HPS1: variants seen among roughly 807,000 people sequenced by gnomAD.
The protein encoded by HPS1 is BLOC-3 complex member HPS1.
HPS1 carries 59 observed loss-of-function variants against 90.6 expected under a neutral mutation model. The ratio of observed to expected loss-of-function variants is 0.65; its 90% CI spans 0.53 to 0.81. HPS1 has a LOEUF of 0.81. Among genes scored for constraint, HPS1 ranks in the 30% least tolerant of loss-of-function variants. HPS1 has a pLI of 0.00. For missense variants in HPS1, 849 were observed against 896.7 expected, an observed-to-expected ratio of 0.95 and a Z score of 0.68; for synonymous variants, 388 against 384.4, an observed-to-expected ratio of 1.01 and a Z score of -0.11.
At chr10:98,444,407 A>T (rs1251738562) in intron 2 of HPS1, among the ~76,000 whole-genome samples, 1 of 152,146 alleles carries the variant, frequency 6.6e-6, no homozygotes, top group African/African-American at 2.4e-5. Flanking sequence ...ATCTTCTAAA[A>T]CTTGGGGCAG....
At chr10:98,414,548 T>G (rs1843913138), downstream of HPS1, among the ~76,000 whole-genome samples, 1 of 152,178 alleles carries the variant, frequency 6.6e-6, no homozygotes, top group South Asian at 2.1e-4. Flanking sequence ...CAGTTTCTTG[T>G]GACGAGGGGT....
chr10:98,425,750 C>A (rs767135497), intron 12 of HPS1, 30 bp from the exon 13 acceptor site: 1 of 1,597,506 alleles, frequency 6.3e-7, no homozygotes, highest in East Asian at 2.2e-5. Context: ...GGCGGGTGAA[C>A]GGGGCTGCCC....
At chr10:98,430,118 C>T (rs1289177774) in intron 8 of HPS1, among the ~76,000 whole-genome samples, 1 of 152,210 alleles carries the variant, frequency 6.6e-6, no homozygotes, top group Non-Finnish European at 1.5e-5. Context: ...CCACCACTAC[C>T]CCTGGTGATG....
At chr10:98,444,043 C>A (rs1165351220) in intron 2 of HPS1, among the ~76,000 whole-genome samples, 1 of 144,984 alleles carries the variant, frequency 6.9e-6, no homozygotes, top group African/African-American at 2.7e-5. Context: ...TCTGAAAAAA[C>A]AAACAAACAA....
At chr10:98,432,035 G>A (rs543083969) in intron 6 of HPS1, among the ~76,000 whole-genome samples, 1 of 152,312 alleles carries the variant, frequency 6.6e-6, no homozygotes, top group East Asian at 1.9e-4. Context: ...GCCACATGCA[G>A]CTAATGACTA....
chr10:98,426,140 T>C (rs773253275), intron 11 of HPS1, 155 bp from the exon 12 acceptor site: 5 of 664,760 alleles, frequency 7.5e-6, no homozygotes, highest in Non-Finnish European at 1.3e-5. Flanking sequence ...CCCTCGCAGC[T>C]CCAGTTTCGC....
At chr10:98,431,858 T>C (rs138814934) in intron 6 of HPS1, among the ~76,000 whole-genome samples, 161 of 152,346 alleles carry the variant, frequency 1.1e-3, no homozygotes, top group African/African-American at 3.6e-3. Flanking sequence ...TTTAATGATA[T>C]ATTTCATTTT....
rs11539873 is a variant in HPS1, at chr10:98,435,373, G to A, written c.297C>T (p.Thr99=). ...TCCGCCGCAGGTCCCCCTCGCTCTC[G>A]GTGTGGTCACCATTGATGGCAATGA... ...CLFIAINGDH[T]ESEGDLRRKL... is the part of the protein sequence containing the mutation. Residue 99 remains threonine, a synonymous_variant, in exon 5 of 20, where the codon ACC becomes ACT. Transcript: ENST00000361490. This position sits in a 1 kb window ranked among gnomAD's most constrained non-coding sequence, Gnocchi z 4.3. The A allele has an allele frequency of 0.06, 97,274 of 1,613,862 alleles. 3,189 individuals are homozygous for A. Among genetic ancestry groups the A allele is most frequent in the East Asian group, 0.12 (5,509 of 44,842 alleles).
rs527644470 is a variant in HPS1 at position 98,422,021 on chromosome 10, GT to G, written c.1743+347del. Among the ~76,000 whole-genome samples, 27 of 135,234 alleles carry G rather than the reference GT, an allele frequency of 2.0e-4. No individual in the cohort carries two copies. In the South Asian group the frequency reaches 6.4e-3, roughly 32 times the overall value. The allele number at this position is 135,234 out of a possible 152,430, so 88.7% of individuals were successfully genotyped here. ...ACACACACACACACACACACGTATA[GT>G]TTTTTTGGAGAGTGGCAGGGGTCCT... On this transcript the variant is annotated intron_variant, in intron 17 of 19. Transcript: ENST00000361490.
At chr10:98,416,093 A>G (rs1844076708), downstream of HPS1, 10 of 152,280 alleles carry the variant, frequency 6.6e-5, no homozygotes, top group Admixed American at 6.5e-4. Flanking sequence ...TTGGTAACGA[A>G]TCTCAGAACT....
At position 98,435,854 on chromosome 10, in the gene HPS1, A is replaced by G; in HGVS notation, c.118-82T>C. 3 of 1,578,212 alleles carry G rather than the reference A, an allele frequency of 1.9e-6. No individual in the cohort carries two copies. Among genetic ancestry groups the G allele is most frequent in the Non-Finnish European group, 1.7e-6 (2 of 1,149,726 alleles). ...GGAAGGGACAAGATCAGGCCTTGAT[A>G]TCAAGGGTTCCATAGTGTTAGACCC... On this transcript the variant is annotated intron_variant, in intron 3 of 19. Coordinates refer to ENST00000361490, the MANE Select transcript of HPS1 (RefSeq NM_000195.5). This position sits in a 1 kb window ranked among gnomAD's most constrained non-coding sequence, Gnocchi z 4.3.
chr10:98,415,084 G>C (rs117431460), downstream of HPS1: 13,416 of 1,613,990 alleles, frequency 8.3e-3, 70 homozygotes, highest in Non-Finnish European at 9.3e-3. Context: ...CTCCACGCCG[G>C]GAAGGGAGAG....
At chr10:98,422,911 C>T (rs1188047495) in intron 16 of HPS1, among the ~76,000 whole-genome samples, 1 of 152,226 alleles carries the variant, frequency 6.6e-6, no homozygotes, top group Non-Finnish European at 1.5e-5. Context: ...TAAACCCTTA[C>T]ACTTCATCAT....
downstream of HPS1, chr10:98,414,931 C>A (rs1268529836): frequency 1.9e-6 from 3 of 1,552,660 alleles, no homozygotes; most frequent in Non-Finnish European, 2.6e-6. Flanking sequence ...TTGGCTCCCC[C>A]TCCCCCTCCC....
In HPS1 at chr10:98,435,937, C is replaced by T. The variant is rs760575037; in HGVS notation, c.118-165G>A. The stretch of plus-strand genomic sequence containing the variant: ...GGGAGCAAAAAGAGACTGTCCCCAA[C>T]ACTTCGGGTGGTGGTTAGGAAGAAT... On this transcript the variant is annotated intron_variant, in intron 3 of 19. Coordinates refer to ENST00000361490, the MANE Select transcript of HPS1 (RefSeq NM_000195.5). This position sits in a 1 kb window ranked among gnomAD's most constrained non-coding sequence, Gnocchi z 4.3. Among the ~76,000 whole-genome samples the T allele has an allele frequency of 2.0e-5, 3 of 152,170 alleles. No individual in the cohort carries two copies. Among genetic ancestry groups the T allele is most frequent in the Non-Finnish European group, 4.4e-5 (3 of 68,026 alleles).
intron 11 of HPS1, 185 bp downstream of exon 11, chr10:98,427,030 C>T (rs1380329732): frequency 1.6e-5 from 9 of 558,758 alleles, no homozygotes; most frequent in African/African-American, 1.5e-4. Context: ...CAGCCCATTC[C>T]TGGACCCTGC....
At chr10:98,419,900 C>T in intron 18 of HPS1, 145 bp downstream of exon 18, 1 of 735,014 alleles carries the variant, frequency 1.4e-6, no homozygotes, top group South Asian at 1.4e-5. Context: ...GACCTCTGAA[C>T]TCTGGCTCCC....
At chr10:98,444,367 C>A (rs933456325) in intron 2 of HPS1, among the ~76,000 whole-genome samples, 1 of 151,868 alleles carries the variant, frequency 6.6e-6, no homozygotes, top group African/African-American at 2.4e-5. Context: ...ACACTGTGTG[C>A]CATGGCCCTC....
intron 2 of HPS1, among the ~76,000 whole-genome samples, chr10:98,444,338 A>G (rs1939059220): frequency 6.6e-6 from 1 of 151,394 alleles, no homozygotes; most frequent in Admixed American, 6.6e-5. Flanking sequence ...CCACTGGAAG[A>G]TCTTTAATAC....
Sources: allele counts gnomAD v4.1 joint callset (sites outside exome capture counted in the v4.1 genomes callset), GRCh38; gene constraint gnomAD v4.1.1; non-coding constraint Gnocchi (gnomAD v3.1); transcripts MANE v1.5; gene names NCBI Gene and HGNC (gene_info 2026-07-23, HGNC 2026-07-21).